PPIP5K2: variants seen among roughly 807,000 people sequenced by gnomAD.
PPIP5K2 encodes diphosphoinositol pentakisphosphate kinase 2, also known as inositol hexakisphosphate and diphosphoinositol-pentakisphosphate kinase 2.
In PPIP5K2, 105 loss-of-function variants were observed where a neutral mutation model predicts 154.6. The ratio of observed to expected loss-of-function variants is 0.68; its 90% CI spans 0.58 to 0.80. PPIP5K2 has a LOEUF of 0.80. Ranked by LOEUF, PPIP5K2 falls within the 30% of genes least tolerant of loss-of-function variation. The pLI, the probability that PPIP5K2 is intolerant of heterozygous loss-of-function variation, is 0.00. For missense variants in PPIP5K2, 992 were observed against 1,504.6 expected (o/e 0.66, Z 5.64); for synonymous variants, 480 against 490.3 (o/e 0.98, Z 0.28).
chr5:103,136,440 T>C (rs1791511864), intron 3 of PPIP5K2, among the ~76,000 whole-genome samples: 1 of 152,204 alleles, frequency 6.6e-6, no homozygotes, highest in African/African-American at 2.4e-5. Context: ...GTGTATGAGG[T>C]GAATCTTACC....
chr5:103,130,469 C>A (rs1790432554), intron 2 of PPIP5K2, among the ~76,000 whole-genome samples: 1 of 152,098 alleles, frequency 6.6e-6, no homozygotes, highest in Non-Finnish European at 1.5e-5. Context: ...AAAACCTGTT[C>A]TATTTTGTAA....
chr5:103,152,650 A>G lies in PPIP5K2; in HGVS notation c.1031A>G (p.Asn344Ser). 1 of 1,571,488 alleles carries G rather than the reference A, an allele frequency of 6.4e-7. No individual in the cohort carries two copies. The highest frequency in any genetic ancestry group is 8.7e-7 in the Non-Finnish European group (1 of 1,143,418). The change falls in exon 10 of 31, where the codon AAT becomes AGT. Residue 344 changes from asparagine to serine, a missense_variant and splice_region_variant. Coordinates refer to ENST00000358359, the MANE Select transcript of PPIP5K2 (RefSeq NM_001276277.3). ...ATCTTTTCTTTTTTGTCTTGAAGAA[A>G]TATTGTAATGCGAGAACTTGCTCCA... ...YYDDCAKILG[N>S]IVMRELAPQF...
chr5:103,153,601 A>G (rs990208399), intron 10 of PPIP5K2, among the ~76,000 whole-genome samples: 3 of 151,928 alleles, frequency 2.0e-5, no homozygotes, highest in Non-Finnish European at 3.0e-5. Flanking sequence ...AGCCATTTCT[A>G]GAGAAGAAAA....
intron 5 of PPIP5K2, among the ~76,000 whole-genome samples, chr5:103,140,660 A>ACC (rs1453068040): frequency 2.0e-5 from 3 of 149,360 alleles, no homozygotes; most frequent in Non-Finnish European, 3.0e-5. Context: ...CCACGGTGAA[A>ACC]CCCCGTCTCT....
chr5:103,189,231 GT>G, intron 28 of PPIP5K2: 2 of 1,515,036 alleles, frequency 1.3e-6, no homozygotes, highest in African/African-American at 2.8e-5. Context: ...CCAGTGGTAT[GT>G]TTTTATAGCT....
chr5:103,168,000 T>C (rs1554218444), intron 18 of PPIP5K2, 72 bp from the exon 19 acceptor site: 39 of 980,862 alleles, frequency 4.0e-5, no homozygotes, highest in South Asian at 1.7e-5. Context: ...AGTTTCTAAT[T>C]ATTAACATAT....
In PPIP5K2 at chr5:103,173,905, T is replaced by C; in HGVS notation, c.2462T>C (p.Leu821Ser). 1 of 1,609,910 alleles carries C rather than the reference T, an allele frequency of 6.2e-7. No homozygotes were observed. The highest frequency in any genetic ancestry group is 1.1e-5 in the South Asian group (1 of 90,922). Residue 821 changes from leucine to serine, a missense_variant, in exon 21 of 31, where the codon TTA (leucine) becomes TCA (serine). By Grantham distance (145) the Leu-to-Ser change is moderately radical. Around this residue, in one of 9 missense-constraint regions of PPIP5K2, gnomAD observed 157 missense variants for 281.2 expected, o/e 0.56. Transcript: ENST00000358359. ...CCTGAACGTCATGTTCGTACTAGAT[T>C]ATATTTTACCAGTGAAAGTCATGTA... ...LSPERHVRTRLYFTSESHVHS... is the reference protein window; with the variant it reads ...LSPERHVRTRSYFTSESHVHS...
At chr5:103,152,861 A>G (rs1298361781) in intron 10 of PPIP5K2, 112 bp downstream of exon 10, 13 of 661,050 alleles carry the variant, frequency 2.0e-5, no homozygotes, top group Admixed American at 9.5e-5. Flanking sequence ...GTATGATTTC[A>G]TATGATTCAG....
At chr5:103,164,142 A>G (rs961932494) in intron 17 of PPIP5K2, among the ~76,000 whole-genome samples, 3 of 151,904 alleles carry the variant, frequency 2.0e-5, no homozygotes, top group Non-Finnish European at 4.4e-5. Context: ...GTTTATGTCA[A>G]TATTATTAAA....
rs145496451 is a variant in PPIP5K2, at chr5:103,168,245, A to C, written c.2236A>C (p.Met746Leu). ...TGGTTCCTTGAAATTAGAAAACACA[A>C]TGGAATTATATAGGCTTTCGAAGGC... ...HNGSLKLENT[M>L]ELYRLSKALA... is the part of the protein sequence containing the mutation. Residue 746 changes from methionine to leucine, a missense_variant, in exon 19 of 31, where the codon ATG becomes CTG. Met to Leu is a conservative substitution (Grantham distance 15). Coordinates refer to ENST00000358359, the MANE Select transcript of PPIP5K2 (RefSeq NM_001276277.3). 1.1e-5 allele frequency: 17 copies of C among 1,609,586 alleles called. No individual in the cohort carries two copies. The African/African-American group carries it at 1.9e-4, about 18-fold the overall frequency.
At chr5:103,161,291 A>T (rs1309787234) in intron 17 of PPIP5K2, among the ~76,000 whole-genome samples, 1 of 152,274 alleles carries the variant, frequency 6.6e-6, no homozygotes, top group Non-Finnish European at 1.5e-5. Flanking sequence ...ACATTAACTC[A>T]TCATTTTTTA....
chr5:103,138,391 G>A lies in PPIP5K2; in HGVS notation c.409G>A (p.Val137Ile), dbSNP rs1791946956. 6.4e-6 allele frequency: 10 copies of A among 1,572,670 alleles called. No individual in the cohort carries two copies. The highest frequency in any genetic ancestry group is 8.7e-6 in the Non-Finnish European group (10 of 1,148,074). The change falls in exon 5 of 31, where the codon GTA becomes ATA. Residue 137 changes from valine to isoleucine, a missense_variant. Transcript: ENST00000358359. ...MQYLIQDRRE[V>I]YSILQAEGIL... ...GTTTCCCTTTTTCTTCAGGAGAGAA[G>A]TATATAGTATTCTTCAAGCTGAAGG... is the stretch of plus-strand genomic sequence containing the variant.
At chr5:103,182,544 A>G (rs1242510733) in intron 24 of PPIP5K2, among the ~76,000 whole-genome samples, 1 of 152,188 alleles carries the variant, frequency 6.6e-6, no homozygotes, top group Non-Finnish European at 1.5e-5. Context: ...ATTTTGTGCA[A>G]GTAGATTTTA....
In PPIP5K2 at chr5:103,177,972, T is replaced by TC; in HGVS notation, c.2748dup (p.Arg917GlnfsTer4). ...ATCTGGCTATGGATATAGACCAGCTTCCAGAGAGGTAATGAAGGTGGAACT... is the reference window on the plus strand; with the variant it reads ...ATCTGGCTATGGATATAGACCAGCTTCCCAGAGAGGTAATGAAGGTGGAACT... On this transcript the variant is annotated frameshift_variant, in exon 23 of 31. Coordinates refer to ENST00000358359, the MANE Select transcript of PPIP5K2 (RefSeq NM_001276277.3). LOFTEE classifies it high-confidence loss of function. The TC allele has an allele frequency of 6.3e-7, 1 of 1,589,420 alleles. No individual in the cohort carries two copies. Among genetic ancestry groups the TC allele is most frequent in the Non-Finnish European group, 8.6e-7 (1 of 1,157,886 alleles).
At chr5:103,156,864 T>C (rs1795494827) in intron 14 of PPIP5K2, among the ~76,000 whole-genome samples, 1 of 152,196 alleles carries the variant, frequency 6.6e-6, no homozygotes, top group South Asian at 2.1e-4. Context: ...TTATTTATAG[T>C]AGCAAAAATT....
chr5:103,125,808 A>G (rs1283668044), intron 1 of PPIP5K2, among the ~76,000 whole-genome samples: 1 of 151,996 alleles, frequency 6.6e-6, no homozygotes, highest in African/African-American at 2.4e-5. Flanking sequence ...TAATTTTTAT[A>G]TTTTAGCAGA....
chr5:103,128,367 T>C (rs1463644441), intron 1 of PPIP5K2, among the ~76,000 whole-genome samples: 1 of 151,688 alleles, frequency 6.6e-6, no homozygotes, highest in Non-Finnish European at 1.5e-5. Flanking sequence ...TATTTTGAGA[T>C]GCTACTGCTC....
rs1037011401 is a variant in PPIP5K2, at chr5:103,209,768, T to G, written c.*8134T>G. 6.6e-6 allele frequency: 1 copy of G among 151,734 alleles called. No individual in the cohort carries two copies. Among genetic ancestry groups the G allele is most frequent in the South Asian group, 2.1e-4 (1 of 4,806 alleles). The allele number at this position is 151,734 out of a possible 1,614,324, so 9.4% of individuals were successfully genotyped here. A position where few individuals can be genotyped will look rare whatever the true frequency, so the allele number is the denominator to read the frequency against. ...GTGGGTGGATGGATGGATGGATGAA[T>G]GAAGGAAAAATTAGGAGAAAAGAGA... On this transcript the variant is annotated 3_prime_UTR_variant, in exon 31 of 31. Transcript: ENST00000358359.
chr5:103,178,339 G>A (rs1197559829), intron 23 of PPIP5K2, among the ~76,000 whole-genome samples: 1 of 151,788 alleles, frequency 6.6e-6, no homozygotes, highest in African/African-American at 2.4e-5. Context: ...AGATTCAAGA[G>A]TTCATACTTT....
Sources: allele counts gnomAD v4.1 joint callset (sites outside exome capture counted in the v4.1 genomes callset), GRCh38; gene constraint gnomAD v4.1.1; regional missense constraint gnomAD v4.1.1; transcripts MANE v1.5; gene names NCBI Gene and HGNC (gene_info 2026-07-23, HGNC 2026-07-21).